SF3B3: variants seen among roughly 807,000 people sequenced by gnomAD.
SF3B3 encodes splicing factor 3b subunit 3.
Under a neutral mutation model 139.2 loss-of-function variants are expected in SF3B3, and 33 were observed. That is an observed-to-expected ratio of 0.24 (90% CI 0.18 to 0.32). The LOEUF (loss-of-function observed/expected upper bound fraction) is 0.32. Ranked by LOEUF, SF3B3 falls within the 10% of genes least tolerant of loss-of-function variation. The pLI, the probability that SF3B3 is intolerant of heterozygous loss-of-function variation, is 1.00. For synonymous variants in SF3B3, 596 were observed against 563.6 expected, an observed-to-expected ratio of 1.06 and a Z score of -0.81; for missense variants, 818 against 1,509.4, an observed-to-expected ratio of 0.54 and a Z score of 7.59.
At chr16:70,561,897 AC>A in intron 17 of SF3B3, 113 bp downstream of exon 17, 1 of 856,036 alleles carries the variant, frequency 1.2e-6, no homozygotes, top group African/African-American at 1.7e-5. Flanking sequence ...AGCCGACTTC[AC>A]CATGAAGCTT....
chr16:70,575,858 G>A lies in SF3B3; in HGVS notation c.*4045G>A, dbSNP rs1308480961. The A allele has an allele frequency of 1.3e-5, 2 of 152,280 alleles. No individual in the cohort carries two copies. Among genetic ancestry groups the A allele is most frequent in the Admixed American group, 6.5e-5 (1 of 15,290 alleles). 9.4% of individuals were successfully genotyped at this position (152,280 alleles called of 1,614,324 possible). ...GTCAGGAAATGGTAGGAAACCTGTAGTTGTGGCTCATAATCCTAGTGGGAT... is the reference window on the plus strand; with the variant it reads ...GTCAGGAAATGGTAGGAAACCTGTAATTGTGGCTCATAATCCTAGTGGGAT... On this transcript the variant is annotated 3_prime_UTR_variant, in exon 26 of 26. Coordinates refer to ENST00000302516, the MANE Select transcript of SF3B3 (RefSeq NM_012426.5).
At chr16:70,542,835 C>T (rs1381171659) in intron 9 of SF3B3, among the ~76,000 whole-genome samples, 2 of 151,486 alleles carry the variant, frequency 1.3e-5, no homozygotes, top group Admixed American at 1.3e-4. Context: ...CATTCTCCTG[C>T]CTTAGCCTCC....
chr16:70,541,891 G>A, intron 9 of SF3B3, 57 bp downstream of exon 9: 1 of 1,436,746 alleles, frequency 7.0e-7, no homozygotes, highest in Middle Eastern at 1.8e-4. Context: ...CTGAGGTCTA[G>A]TCTAAGAAAT....
Position 70,563,869 on chromosome 16 carries a change from G to C in SF3B3, c.2289-7G>C, listed in dbSNP as rs1345320013. ...TATTAAATAACTGCCTTGCTTTTTT[G>C]TCATAGGATTTTGGCATTAGAGAAG... is the stretch of plus-strand genomic sequence containing the variant. On this transcript the variant is annotated splice_polypyrimidine_tract_variant and splice_region_variant and intron_variant, in intron 17 of 25. Coordinates refer to ENST00000302516, the MANE Select transcript of SF3B3 (RefSeq NM_012426.5). 1 of 1,610,978 alleles carries C rather than the reference G, an allele frequency of 6.2e-7. No homozygotes were observed. Among genetic ancestry groups the C allele is most frequent in the Non-Finnish European group, 8.5e-7 (1 of 1,179,082 alleles).
Position 70,526,669 on chromosome 16 carries a change from A to C in SF3B3, c.13A>C (p.Asn5His). 2 of 1,614,066 alleles carry C rather than the reference A, an allele frequency of 1.2e-6. No individual in the cohort carries two copies. Among genetic ancestry groups the C allele is most frequent in the Non-Finnish European group, 1.7e-6 (2 of 1,179,946 alleles). ...GTTTCCTGCAGCCATGTTTCTGTAC[A>C]ACTTAACCTTGCAGAGAGCCACTGG... is the stretch of plus-strand genomic sequence containing the variant. The part of the protein sequence containing the change: MFLY[N>H]LTLQRATGIS... Residue 5 changes from asparagine to histidine, a missense_variant, in exon 2 of 26, where the codon AAC (asparagine) becomes CAC (histidine). Physicochemically the swap from Asn to His is moderately conservative, Grantham distance 68. Transcript: ENST00000302516.
At chr16:70,549,327 T>A (rs2151786287) in intron 11 of SF3B3, among the ~76,000 whole-genome samples, 1 of 152,356 alleles carries the variant, frequency 6.6e-6, no homozygotes, top group East Asian at 1.9e-4. Flanking sequence ...AATACTCATT[T>A]TTGTGGATTT....
chr16:70,551,407 G>GT (rs1052288792), intron 11 of SF3B3, among the ~76,000 whole-genome samples: 5 of 151,850 alleles, frequency 3.3e-5, no homozygotes, highest in Admixed American at 1.3e-4. Context: ...GAACTCCAGC[G>GT]TTTTTTTTAA....
intron 6 of SF3B3, among the ~76,000 whole-genome samples, chr16:70,537,123 T>C (rs2050176461): frequency 6.6e-6 from 1 of 152,214 alleles, no homozygotes; most frequent in Non-Finnish European, 1.5e-5. Flanking sequence ...AATTCTCTTA[T>C]AGTCTGTCCC....
intron 10 of SF3B3, among the ~76,000 whole-genome samples, chr16:70,546,627 G>A (rs1270159235): frequency 6.6e-6 from 1 of 151,918 alleles, no homozygotes; most frequent in Non-Finnish European, 1.5e-5. Flanking sequence ...CTCCAGCTTG[G>A]GCAAAAGAGT....
chr16:70,525,692 C>T (rs2050055361), intron 1 of SF3B3, among the ~76,000 whole-genome samples: 1 of 151,828 alleles, frequency 6.6e-6, no homozygotes, highest in South Asian at 2.1e-4. Context: ...ATGGGCTGGG[C>T]GCGGTGGCTC....
intron 14 of SF3B3, 196 bp from the exon 15 acceptor site, chr16:70,556,690 G>A: frequency 1.6e-6 from 1 of 634,662 alleles, no homozygotes; most frequent in Non-Finnish European, 2.7e-6. Context: ...ACAAAAGGAG[G>A]AAAGCATGAT....
At chr16:70,533,000 G>C (rs1032417013) in intron 5 of SF3B3, among the ~76,000 whole-genome samples, 1 of 152,140 alleles carries the variant, frequency 6.6e-6, no homozygotes, top group Non-Finnish European at 1.5e-5. Flanking sequence ...TTGTGAATTT[G>C]AAAACTTAAA....
At chr16:70,550,874 T>C (rs762433946) in intron 11 of SF3B3, among the ~76,000 whole-genome samples, 4 of 152,214 alleles carry the variant, frequency 2.6e-5, no homozygotes, top group Non-Finnish European at 5.9e-5. Context: ...GCCTCTCTAC[T>C]TCCTCCCACA....
chr16:70,569,689 G>T (rs986772147), intron 23 of SF3B3, among the ~76,000 whole-genome samples: 1 of 152,126 alleles, frequency 6.6e-6, no homozygotes, highest in African/African-American at 2.4e-5. Flanking sequence ...GAGTGTGGTG[G>T]TACAATCACA....
intron 11 of SF3B3, among the ~76,000 whole-genome samples, chr16:70,551,299 A>G (rs1333689206): frequency 6.6e-6 from 1 of 152,198 alleles, no homozygotes; most frequent in Admixed American, 6.5e-5. Context: ...TTGAGGTATG[A>G]ACTATTGTTT....
At chr16:70,571,588 T>C in intron 25 of SF3B3, 85 bp from the exon 26 acceptor site, 1 of 1,433,174 alleles carries the variant, frequency 7.0e-7, no homozygotes, top group Non-Finnish European at 9.4e-7. Context: ...TAAAAACAGC[T>C]TTCCCTACAA....
At chr16:70,552,057 A>G (rs1039101940) in intron 11 of SF3B3, among the ~76,000 whole-genome samples, 1 of 152,166 alleles carries the variant, frequency 6.6e-6, no homozygotes, top group Admixed American at 6.5e-5. Flanking sequence ...TTCACTGAGC[A>G]TTTATTCTCT....
At chr16:70,536,084 C>T (rs2050163045) in intron 6 of SF3B3, among the ~76,000 whole-genome samples, 1 of 151,870 alleles carries the variant, frequency 6.6e-6, no homozygotes, top group South Asian at 2.1e-4. Context: ...AGTTTATATT[C>T]ATATTTCTCT....
intron 11 of SF3B3, among the ~76,000 whole-genome samples, chr16:70,551,449 C>T (rs1404798849): frequency 6.6e-6 from 1 of 152,060 alleles, no homozygotes; most frequent in African/African-American, 2.4e-5. Flanking sequence ...CGGTGGCTCA[C>T]GCCAACACTT....
Sources: gnomAD v4.1 joint callset for allele counts (sites outside exome capture counted in the v4.1 genomes callset) on GRCh38, gnomAD v4.1.1 for gene constraint, MANE v1.5 for transcripts, NCBI Gene and HGNC (gene_info 2026-07-23, HGNC 2026-07-21) for gene names.